The following VCAN variants were observed in gnomAD, a reference collection of about 807,000 sequenced individuals.
The protein encoded by VCAN is versican.
Under a neutral mutation model 245.5 loss-of-function variants are expected in VCAN, and 44 were observed. The ratio of observed to expected loss-of-function variants is 0.18; its 90% CI spans 0.14 to 0.23. The LOEUF is 0.23. Among genes scored for constraint, VCAN ranks in the 10% least tolerant of loss-of-function variants. The pLI is 1.00. For synonymous variants in VCAN, 1,413 were observed against 1,437.0 expected (o/e 0.98, Z 0.38); for missense variants, 3,793 against 4,057.9 (o/e 0.93, Z 1.77).
chr5:83,581,059 G>A lies in VCAN; in HGVS notation c.*625G>A, dbSNP rs939870012. 1.3e-5 allele frequency: 2 copies of A among 157,990 alleles called. No homozygotes were observed. The highest frequency in any genetic ancestry group is 2.8e-5 in the Non-Finnish European group (2 of 71,186). 9.8% of individuals were successfully genotyped at this position (157,990 alleles called of 1,614,324 possible). A position where few individuals can be genotyped will look rare whatever the true frequency, so the allele number is the denominator to read the frequency against. On this transcript the variant is annotated 3_prime_UTR_variant, in exon 15 of 15. Transcript: ENST00000265077. ...ACATGATGCTAAAGGCTGCGAATGG[G>A]ATCCTGATGGAACTAAGGACTCCAA... is the stretch of plus-strand genomic sequence containing the variant.
intron 1 of VCAN, among the ~76,000 whole-genome samples, chr5:83,475,133 A>G (rs1228313656): frequency 6.6e-6 from 1 of 152,162 alleles, no homozygotes; most frequent in Non-Finnish European, 1.5e-5. Context: ...ATAGAATTTC[A>G]TGGGGGCAAA....
chr5:83,527,606 A>G (rs1294056958), intron 7 of VCAN, among the ~76,000 whole-genome samples: 1 of 152,202 alleles, frequency 6.6e-6, no homozygotes, highest in African/African-American at 2.4e-5. Context: ...TAGACCAAAG[A>G]TTACCTTTTC....
At chr5:83,487,626 CTTT>C (rs1347159605) in intron 2 of VCAN, among the ~76,000 whole-genome samples, 1 of 152,176 alleles carries the variant, frequency 6.6e-6, no homozygotes, top group Admixed American at 6.5e-5. Flanking sequence ...GACCACACAG[CTTT>C]TTGTTAATCT....
intron 12 of VCAN, among the ~76,000 whole-genome samples, chr5:83,571,603 A>G (rs1748292788): frequency 6.6e-6 from 1 of 152,166 alleles, no homozygotes; most frequent in Non-Finnish European, 1.5e-5. Context: ...GAAATGTCAA[A>G]CCCATAAAGT....
In VCAN at chr5:83,537,706, T is replaced by C. The variant is rs1165466170; in HGVS notation, c.4703T>C (p.Val1568Ala). The C allele has an allele frequency of 1.9e-6, 3 of 1,613,782 alleles. No homozygotes were observed. The highest frequency in any genetic ancestry group is 1.7e-5 in the Admixed American group (1 of 59,920). The change falls in exon 8 of 15, where the codon GTA becomes GCA. Residue 1568 changes from valine (V) to alanine (A), a missense_variant. Physicochemically the swap from Val to Ala is moderately conservative, Grantham distance 64 (BLOSUM62 0). Transcript: ENST00000265077. ...QKIAFARATE[V>A]TFGEEVEKST... ...ATAGCCTTTGCAAGGGCTACAGAAG[T>C]AACATTTGGTGAAGAGGTAGAAAAA...
intron 2 of VCAN, among the ~76,000 whole-genome samples, chr5:83,483,990 A>G (rs1267919208): frequency 6.6e-6 from 1 of 152,194 alleles, no homozygotes; most frequent in Non-Finnish European, 1.5e-5. Flanking sequence ...GCTGACAGCC[A>G]TGTTTTTGCC....
chr5:83,514,497 C>T (rs1271557893), intron 6 of VCAN, among the ~76,000 whole-genome samples: 3 of 148,098 alleles, frequency 2.0e-5, no homozygotes, highest in Non-Finnish European at 4.4e-5. Flanking sequence ...GTTGCCCAGG[C>T]TGGAGTGCAA....
intron 6 of VCAN, among the ~76,000 whole-genome samples, chr5:83,515,258 G>A (rs1745805250): frequency 6.6e-6 from 1 of 152,198 alleles, no homozygotes; most frequent in African/African-American, 2.4e-5. Context: ...AAGTTGGAGA[G>A]TTATACAAGG....
chr5:83,472,738 G>T lies in VCAN; in HGVS notation c.-7+715G>T, dbSNP rs551114609. 2.0e-5 allele frequency among the ~76,000 whole-genome samples: 3 copies of T among 152,280 alleles called. No individual in the cohort carries two copies. The East Asian group carries it at 5.8e-4, about 30-fold the overall frequency. On this transcript the variant is annotated intron_variant, in intron 1 of 14. Coordinates refer to ENST00000265077, the MANE Select transcript of VCAN (RefSeq NM_004385.5). ...CGGCGCCCCTGGGTTCTTTTGTCCT[G>T]CACGCGGTGCGAAGGGGCCAGCAGG...
At chr5:83,511,474 A>G (rs1745655254) in intron 5 of VCAN, among the ~76,000 whole-genome samples, 1 of 151,930 alleles carries the variant, frequency 6.6e-6, no homozygotes, top group Non-Finnish European at 1.5e-5. Context: ...CTTCGTAACC[A>G]TCATGGCAGC....
intron 5 of VCAN, among the ~76,000 whole-genome samples, chr5:83,507,057 T>C (rs1207306490): frequency 2.0e-5 from 3 of 152,182 alleles, no homozygotes; most frequent in Non-Finnish European, 2.9e-5. Context: ...CACAGCCAAA[T>C]CATATCACTT....
At chr5:83,559,928 A>G (rs911129619) in intron 12 of VCAN, among the ~76,000 whole-genome samples, 2 of 152,072 alleles carry the variant, frequency 1.3e-5, no homozygotes, top group African/African-American at 4.8e-5. Context: ...TTTTGCCTAA[A>G]TTAAAGATTT....
intron 5 of VCAN, among the ~76,000 whole-genome samples, chr5:83,498,856 T>A (rs986788640): frequency 6.6e-6 from 1 of 152,196 alleles, no homozygotes; most frequent in African/African-American, 2.4e-5. Context: ...TTAAACACCA[T>A]TGCCATGTAA....
intron 10 of VCAN, among the ~76,000 whole-genome samples, chr5:83,552,812 T>C (rs1349901831): frequency 1.3e-5 from 2 of 152,196 alleles, no homozygotes; most frequent in African/African-American, 2.4e-5. Flanking sequence ...GTTCTAGCTG[T>C]ATCCCAAAAC....
intron 12 of VCAN, among the ~76,000 whole-genome samples, chr5:83,570,932 C>T (rs1748264508): frequency 1.3e-5 from 2 of 151,504 alleles, no homozygotes; most frequent in Admixed American, 1.3e-4. Context: ...AATAAATTCA[C>T]TTAACTCATT....
intron 12 of VCAN, among the ~76,000 whole-genome samples, chr5:83,560,446 G>A (rs1273584461): frequency 6.6e-6 from 1 of 152,088 alleles, no homozygotes; most frequent in Non-Finnish European, 1.5e-5. Flanking sequence ...CTTTGGCTAA[G>A]GGTGATTTGG....
chr5:83,541,649 A>G lies in VCAN; in HGVS notation c.8646A>G (p.Glu2882=). The change falls in exon 8 of 15, where the codon GAA becomes GAG. Residue 2882 remains glutamate, a synonymous_variant. Coordinates refer to ENST00000265077, the MANE Select transcript of VCAN (RefSeq NM_004385.5). ...IEATFKPSSE[E]YLHITEPPSL... ...CGACTTTCAAACCATCAAGTGAGGA[A>G]TACCTTCACATAACTGAGCCTCCCT... 2 of 1,613,914 alleles carry G rather than the reference A, an allele frequency of 1.2e-6. No homozygotes were observed. Among genetic ancestry groups the G allele is most frequent in the Non-Finnish European group, 1.7e-6 (2 of 1,180,002 alleles).
intron 7 of VCAN, among the ~76,000 whole-genome samples, chr5:83,533,712 T>C (rs1009022214): frequency 2.0e-5 from 3 of 152,132 alleles, no homozygotes; most frequent in Non-Finnish European, 4.4e-5. Flanking sequence ...TCATATTTAT[T>C]TAGGTTAGAA....
At chr5:83,479,707 T>A (rs964694846) in intron 1 of VCAN, among the ~76,000 whole-genome samples, 38 of 152,012 alleles carry the variant, frequency 2.5e-4, no homozygotes, top group African/African-American at 8.5e-4. Flanking sequence ...TGATCAAACA[T>A]AGAAGACAAA....
Sources: allele counts gnomAD v4.1 joint callset (sites outside exome capture counted in the v4.1 genomes callset), GRCh38; gene constraint gnomAD v4.1.1; transcripts MANE v1.5; gene names NCBI Gene and HGNC (gene_info 2026-07-23, HGNC 2026-07-21).